The following TENM3 variants were observed in gnomAD, a reference collection of about 807,000 sequenced individuals.
TENM3 encodes teneurin-3.
A neutral mutation model predicts 255.1 loss-of-function variants in TENM3; 63 were observed. The observed-to-expected ratio is 0.25, with a 90% CI of 0.20 to 0.30. The LOEUF is 0.30. Ranked by LOEUF, TENM3 falls within the 10% of genes least tolerant of loss-of-function variation. The pLI, the probability that TENM3 is intolerant of heterozygous loss-of-function variation, is 1.00. For synonymous variants in TENM3, 1,306 were observed against 1,322.3 expected, an observed-to-expected ratio of 0.99 and a Z score of 0.27; for missense variants, 2,929 against 3,461.1, an observed-to-expected ratio of 0.85 and a Z score of 3.86.
At chr4:182,746,339 G>A (rs1332950916) in intron 19 of TENM3, among the ~76,000 whole-genome samples, 1 of 152,190 alleles carries the variant, frequency 6.6e-6, no homozygotes, top group Non-Finnish European at 1.5e-5. Flanking sequence ...TAAAAATGAA[G>A]TCTGCTTAAA....
chr4:181,963,609 T>A, the TENM3 span, among the ~76,000 whole-genome samples: 5 of 152,184 alleles, frequency 3.3e-5, no homozygotes, highest in Admixed American at 6.5e-5. Flanking sequence ...AGGAACATGT[T>A]GGCCTCATAG....
intron 16 of TENM3, among the ~76,000 whole-genome samples, chr4:182,733,911 G>A (rs1760970185): frequency 6.6e-6 from 1 of 152,070 alleles, no homozygotes; most frequent in South Asian, 2.1e-4. Flanking sequence ...TAGCAAACTA[G>A]GACATTAAAA....
chr4:182,149,881 C>G (rs1314409272), intron 1 of TENM3, among the ~76,000 whole-genome samples: 1 of 151,928 alleles, frequency 6.6e-6, no homozygotes, highest in East Asian at 1.9e-4. Context: ...GTAGTTTGTA[C>G]TAGAGCATGC....
chr4:182,432,849 G>GGTGTGTGTGTGTGTGTGTGTGTGTGTGT (rs70956512), intron 3 of TENM3, among the ~76,000 whole-genome samples: 4,582 of 142,976 alleles, frequency 0.032, 106 homozygotes, highest in African/African-American at 0.051. Context: ...AATGGATTTG[G>GGTGTGTGTGTGTGTGTGTGTGTGTGTGT]GTGTGTGTGT....
At chr4:182,606,000 G>C (rs1175670118) in intron 4 of TENM3, among the ~76,000 whole-genome samples, 1 of 152,124 alleles carries the variant, frequency 6.6e-6, no homozygotes, top group Non-Finnish European at 1.5e-5. Context: ...ATAAGAATAA[G>C]AAATCAAACG....
At chr4:181,588,284 C>T in the TENM3 span, among the ~76,000 whole-genome samples, 4 of 152,178 alleles carry the variant, frequency 2.6e-5, no homozygotes, top group African/African-American at 9.7e-5. Context: ...AAGGGATACT[C>T]TTTAAGCTGT....
the TENM3 span, among the ~76,000 whole-genome samples, chr4:181,993,711 AG>A: frequency 6.6e-6 from 1 of 152,146 alleles, no homozygotes; most frequent in Non-Finnish European, 1.5e-5. Flanking sequence ...ATTTTATTAA[AG>A]CTGATGCATT....
intron 3 of TENM3, among the ~76,000 whole-genome samples, chr4:182,354,392 T>C (rs1159594633): frequency 1.3e-5 from 2 of 152,196 alleles, no homozygotes; most frequent in Admixed American, 6.5e-5. Flanking sequence ...AATTAATGAA[T>C]TGAATAGCAG....
chr4:181,644,350 A>G, the TENM3 span, among the ~76,000 whole-genome samples: 1 of 152,002 alleles, frequency 6.6e-6, no homozygotes, highest in Non-Finnish European at 1.5e-5. Context: ...TCCACAGTTC[A>G]GGGCAGCAGG....
intron 2 of TENM3, among the ~76,000 whole-genome samples, chr4:182,333,965 C>T (rs1210129650): frequency 6.6e-6 from 1 of 152,132 alleles, no homozygotes; most frequent in Non-Finnish European, 1.5e-5. Context: ...AATCCCAGGT[C>T]TGCCTTGCCG....
chr4:181,605,560 A>AGAGAG, the TENM3 span, among the ~76,000 whole-genome samples: 2 of 26,744 alleles, frequency 7.5e-5, no homozygotes, highest in African/African-American at 1.9e-4. Flanking sequence ...GAAAGAAAGA[A>AGAGAG]AGAAAGAAAG....
chr4:182,267,833 T>C (rs906688197), intron 1 of TENM3, among the ~76,000 whole-genome samples: 8 of 152,110 alleles, frequency 5.3e-5, no homozygotes, highest in South Asian at 2.1e-4. Context: ...TTAATAAAAA[T>C]GGGAAACCAG....
chr4:181,583,418 C>T, the TENM3 span, among the ~76,000 whole-genome samples: 1 of 152,164 alleles, frequency 6.6e-6, no homozygotes, highest in Non-Finnish European at 1.5e-5. Flanking sequence ...ACCAACTTTC[C>T]ATTTTATACC....
At chr4:181,762,153 G>C in the TENM3 span, among the ~76,000 whole-genome samples, 1 of 152,014 alleles carries the variant, frequency 6.6e-6, no homozygotes, top group South Asian at 2.1e-4. Context: ...GGTTGAAATT[G>C]CCTCCTGGGT....
chr4:182,618,053 T>A (rs1749707449), intron 4 of TENM3, among the ~76,000 whole-genome samples: 1 of 152,196 alleles, frequency 6.6e-6, no homozygotes, highest in Non-Finnish European at 1.5e-5. Flanking sequence ...TCTAAAAATG[T>A]TTTTAACACT....
At chr4:182,512,632 A>G in intron 3 of TENM3, among the ~76,000 whole-genome samples, 1 of 152,150 alleles carries the variant, frequency 6.6e-6, no homozygotes, top group East Asian at 1.9e-4. Flanking sequence ...TATGAACGAA[A>G]AGTATTGTAA....
chr4:182,731,204 T>A (rs1043251566), intron 16 of TENM3, 65 bp downstream of exon 16: 1 of 1,545,720 alleles, frequency 6.5e-7, no homozygotes, highest in Admixed American at 1.7e-5. Context: ...TGCCAGAGAA[T>A]CTTAAAAATA....
chr4:182,713,943 A>C, intron 12 of TENM3, 144 bp from the exon 13 acceptor site: 1 of 633,576 alleles, frequency 1.6e-6, no homozygotes, highest in Non-Finnish European at 2.7e-6. Context: ...TCCATAGATA[A>C]CGTTGCTGTT....
At chr4:181,886,771 G>T in the TENM3 span, among the ~76,000 whole-genome samples, 13 of 151,918 alleles carry the variant, frequency 8.6e-5, no homozygotes, top group African/African-American at 3.1e-4. Flanking sequence ...CATTGTTACT[G>T]GTTTAATTTT....
Sources: gnomAD v4.1 joint callset for allele counts (sites outside exome capture counted in the v4.1 genomes callset) on GRCh38, gnomAD v4.1.1 for gene constraint, MANE v1.5 for transcripts, NCBI Gene and HGNC (gene_info 2026-07-23, HGNC 2026-07-21) for gene names.